Variants in ENTREP1 observed in about 807,000 individuals in gnomAD.
The protein encoded by ENTREP1 is endosomal transmembrane epsin interactor 1, also known as Friedreich ataxia region gene X123.
the ENTREP1 span, chr9:69,375,898 T>G: frequency 6.3e-7 from 1 of 1,598,488 alleles, no homozygotes; most frequent in Non-Finnish European, 8.5e-7. Context: ...GCACGGTAAA[T>G]ACACCACGGA....
At chr9:69,391,145 G>A in the ENTREP1 span, among the ~76,000 whole-genome samples, 1 of 152,080 alleles carries the variant, frequency 6.6e-6, no homozygotes, top group African/African-American at 2.4e-5. Context: ...TTCTTACTTG[G>A]ATTCTTGTTA....
chr9:69,344,988 C>G, the ENTREP1 span, among the ~76,000 whole-genome samples: 1 of 152,158 alleles, frequency 6.6e-6, no homozygotes. Flanking sequence ...TGCTTAAGAC[C>G]ATGATTTTTC....
At chr9:69,383,327 C>T in the ENTREP1 span, 50 of 1,033,616 alleles carry the variant, frequency 4.8e-5, no homozygotes, top group African/African-American at 7.7e-4. Context: ...CCATTCCCTT[C>T]TCCCCCATCC....
the ENTREP1 span, chr9:69,383,431 T>C: frequency 2.1e-6 from 3 of 1,438,788 alleles, no homozygotes; most frequent in African/African-American, 4.3e-5. Context: ...TTTTATACAC[T>C]GTCATTTGCT....
chr9:69,357,582 A>T, the ENTREP1 span, among the ~76,000 whole-genome samples: 1 of 152,170 alleles, frequency 6.6e-6, no homozygotes, highest in Admixed American at 6.5e-5. Flanking sequence ...TTCTGGCAGA[A>T]GTTTAAAGCA....
chr9:69,351,005 C>T, the ENTREP1 span, among the ~76,000 whole-genome samples: 13 of 152,082 alleles, frequency 8.5e-5, no homozygotes, highest in Non-Finnish European at 1.3e-4. Context: ...GTTCAAAGAG[C>T]ATTTGAGAAG....
At chr9:69,375,189 C>A in the ENTREP1 span, among the ~76,000 whole-genome samples, 55 of 152,284 alleles carry the variant, frequency 3.6e-4, no homozygotes, top group African/African-American at 1.3e-3. Flanking sequence ...CCCACATAGG[C>A]CTGGTTTCCC....
chr9:69,334,585 C>T, the ENTREP1 span, among the ~76,000 whole-genome samples: 1 of 152,184 alleles, frequency 6.6e-6, no homozygotes, highest in Non-Finnish European at 1.5e-5. Context: ...GGAAAACCTT[C>T]ATGGCTGCCT....
chr9:69,324,599 A>G, the ENTREP1 span: 1 of 985,254 alleles, frequency 1.0e-6, no homozygotes, highest in Non-Finnish European at 1.2e-6. Context: ...TCCTACCGAG[A>G]TGCCGGGAAA....
chr9:69,368,116 G>A, the ENTREP1 span, among the ~76,000 whole-genome samples: 1 of 151,618 alleles, frequency 6.6e-6, no homozygotes, highest in Non-Finnish European at 1.5e-5. Context: ...GATTTTTCTA[G>A]CAGTAAGATT....
At chr9:69,347,735 G>A in the ENTREP1 span, among the ~76,000 whole-genome samples, 5,363 of 152,246 alleles carry the variant, frequency 0.035, 273 homozygotes, top group African/African-American at 0.11. Flanking sequence ...GGAATAATGA[G>A]CCCTACAGAG....
chr9:69,379,820 T>C, the ENTREP1 span: 1 of 152,232 alleles, frequency 6.6e-6, no homozygotes, highest in Admixed American at 6.5e-5. Context: ...CTCATGTGGG[T>C]TTAGGAGCCG....
the ENTREP1 span, among the ~76,000 whole-genome samples, chr9:69,331,956 G>T: frequency 6.6e-6 from 1 of 152,190 alleles, no homozygotes; most frequent in Non-Finnish European, 1.5e-5. Flanking sequence ...ACCAAGGGAG[G>T]TGGAGGCATT....
the ENTREP1 span, among the ~76,000 whole-genome samples, chr9:69,378,713 C>A: frequency 5.3e-5 from 8 of 151,106 alleles, no homozygotes; most frequent in South Asian, 8.4e-4. Flanking sequence ...GAGCTGAGAT[C>A]GCACCACTGC....
the ENTREP1 span, among the ~76,000 whole-genome samples, chr9:69,358,547 G>C: frequency 6.6e-6 from 1 of 151,840 alleles, no homozygotes; most frequent in African/African-American, 2.4e-5. Flanking sequence ...TGCATATGAG[G>C]GGGAAAAAAA....
the ENTREP1 span, chr9:69,324,720 C>T: frequency 1.0e-6 from 1 of 984,544 alleles, no homozygotes; most frequent in Non-Finnish European, 1.2e-6. Context: ...CATCGAGTCG[C>T]CCCAAAGCCC....
At chr9:69,368,047 G>C in the ENTREP1 span, among the ~76,000 whole-genome samples, 1 of 49,534 alleles carries the variant, frequency 2.0e-5, no homozygotes, top group African/African-American at 8.6e-5. Context: ...CGTTGATTTT[G>C]TATCCTGAGA....
At chr9:69,347,967 T>C in the ENTREP1 span, among the ~76,000 whole-genome samples, 1 of 152,228 alleles carries the variant, frequency 6.6e-6, no homozygotes, top group South Asian at 2.1e-4. Context: ...GTGCTTGGTA[T>C]CATGCCACAT....
the ENTREP1 span, chr9:69,371,480 C>A: frequency 6.7e-7 from 1 of 1,497,150 alleles, no homozygotes; most frequent in Non-Finnish European, 9.3e-7. Context: ...ACTAACTGTC[C>A]ATTCTCTTGC....
Sources: gnomAD v4.1 joint callset for allele counts (sites outside exome capture counted in the v4.1 genomes callset) on GRCh38, gnomAD v4.1.1 for gene constraint, MANE v1.5 for transcripts, NCBI Gene and HGNC (gene_info 2026-07-23, HGNC 2026-07-21) for gene names.